The following MICU1 variants were observed in gnomAD, a reference collection of about 807,000 sequenced individuals.
MICU1 encodes the protein calcium uptake protein 1, mitochondrial.
Under a neutral mutation model 56.8 loss-of-function variants are expected in MICU1, and 45 were observed. That is an observed-to-expected ratio of 0.79 (90% CI 0.62 to 1.02). MICU1 has a LOEUF of 1.02. Ranked by LOEUF, MICU1 falls within the 50% of genes least tolerant of loss-of-function variation. The probability of loss-of-function intolerance (pLI) is 0.00; values close to 1 mark genes in which losing one functional copy is unlikely to be tolerated. For synonymous variants in MICU1, 186 were observed against 195.1 expected, an observed-to-expected ratio of 0.95 and a Z score of 0.39; for missense variants, 504 against 587.1, an observed-to-expected ratio of 0.86 and a Z score of 1.46.
intron 1 of MICU1, among the ~76,000 whole-genome samples, chr10:72,623,009 C>T (rs1341336285): frequency 6.6e-6 from 1 of 152,058 alleles, no homozygotes; most frequent in East Asian, 1.9e-4. Context: ...TGGCTCACAC[C>T]TCTAATCCCA....
intron 3 of MICU1, among the ~76,000 whole-genome samples, chr10:72,557,297 T>C (rs923201227): frequency 6.6e-6 from 1 of 152,180 alleles, no homozygotes; most frequent in African/African-American, 2.4e-5. Flanking sequence ...AGCCAACATA[T>C]ATGGCTTCCA....
chr10:72,475,256 G>A lies in MICU1; in HGVS notation c.777C>T (p.Arg259=), dbSNP rs765134846. Residue 259 remains arginine (R), a synonymous_variant, in exon 8 of 12, where the codon CGC becomes CGT. Transcript: ENST00000361114. ...TGCCAGTAGTTGGACGATCTCTGTG[G>A]CGCATACCCATACTGGTTTGGGAGC... ...IIRSQTSMGM[R]HRDRPTTGNT... 2 of 1,609,390 alleles carry A rather than the reference G, an allele frequency of 1.2e-6. No homozygotes were observed. The highest frequency in any genetic ancestry group is 1.7e-5 in the Admixed American group (1 of 59,362).
chr10:72,621,419 G>A (rs1444790031), intron 1 of MICU1, among the ~76,000 whole-genome samples: 4 of 152,060 alleles, frequency 2.6e-5, no homozygotes, highest in Non-Finnish European at 4.4e-5. Flanking sequence ...TTGAACCCAA[G>A]AGGCGGAGGT....
intron 5 of MICU1, chr10:72,523,719 G>A: frequency 3.2e-6 from 3 of 932,260 alleles, no homozygotes; most frequent in Admixed American, 3.6e-5. Context: ...AAATGTGAGA[G>A]TAATATTTTA....
At chr10:72,461,332 G>A (rs1865632403) in intron 8 of MICU1, among the ~76,000 whole-genome samples, 1 of 152,132 alleles carries the variant, frequency 6.6e-6, no homozygotes, top group African/African-American at 2.4e-5. Flanking sequence ...CTGTAACAAA[G>A]AGCAAATGAA....
rs533702573 is a variant in MICU1, at chr10:72,562,147, C to CTTTTTTTTTTTTTTT, written c.330+733_330+747dup. Among the ~76,000 whole-genome samples the CTTTTTTTTTTTTTTT allele has an allele frequency of 9.7e-5, 8 of 82,650 alleles. 1 individual carries two copies. The highest frequency in any genetic ancestry group is 1.5e-4 in the Non-Finnish European group (7 of 45,680). The allele number at this position is 82,650 out of a possible 152,430, so 54.2% of individuals were successfully genotyped here. On this transcript the variant is annotated intron_variant, in intron 3 of 11. Transcript: ENST00000361114. ...GCAGGTTGTGTTAATTACATAAAAT[C>CTTTTTTTTTTTTTTT]TTTTTTTTTTTTTTTTTTTTTTTTG...
intron 7 of MICU1, 150 bp downstream of exon 7, chr10:72,477,024 C>T: frequency 5.7e-6 from 3 of 530,668 alleles, no homozygotes; most frequent in Admixed American, 3.8e-5. Flanking sequence ...CCCACCTGTT[C>T]AAAGAATAAT....
In MICU1 at chr10:72,477,370, G is replaced by T. The variant is rs1866156788; in HGVS notation, c.653-114C>A. 4.3e-6 allele frequency: 5 copies of T among 1,159,120 alleles called. No homozygotes were observed. In the South Asian group the frequency reaches 4.4e-5, roughly 10 times the overall value. The allele number at this position is 1,159,120 out of a possible 1,614,324, so 71.8% of individuals were successfully genotyped here. A position where few individuals can be genotyped will look rare whatever the true frequency, so the allele number is the denominator to read the frequency against. On this transcript the variant is annotated intron_variant, in intron 6 of 11. Transcript: ENST00000361114. ...GTAATATCAAAGTCACCATAAAAGTGACTGAGTCAAAGTCTCAATAAATGG... is the reference window on the plus strand; with the variant it reads ...GTAATATCAAAGTCACCATAAAAGTTACTGAGTCAAAGTCTCAATAAATGG...
intron 10 of MICU1, among the ~76,000 whole-genome samples, chr10:72,378,047 C>G (rs758078013): frequency 1.3e-5 from 2 of 152,034 alleles, no homozygotes; most frequent in Non-Finnish European, 2.9e-5. Context: ...GTCAGGAGTT[C>G]GAGACCAGCC....
At chr10:72,547,425 G>A (rs946326981) in intron 4 of MICU1, among the ~76,000 whole-genome samples, 3 of 151,798 alleles carry the variant, frequency 2.0e-5, no homozygotes, top group Non-Finnish European at 4.4e-5. Context: ...TTATTTAAGA[G>A]GGCAGGACTT....
At chr10:72,477,644 A>T (rs1866165033) in intron 6 of MICU1, 1 of 1,131,476 alleles carries the variant, frequency 8.8e-7, no homozygotes, top group African/African-American at 1.6e-5. Context: ...ATATTGCTGC[A>T]AAGTAAGAAG....
At chr10:72,607,792 C>T (rs1027694566) in intron 1 of MICU1, among the ~76,000 whole-genome samples, 2 of 152,088 alleles carry the variant, frequency 1.3e-5, no homozygotes, top group African/African-American at 4.8e-5. Context: ...ACTTGGGAGC[C>T]TACTGCATGT....
At chr10:72,590,279 C>T (rs1231811092) in intron 1 of MICU1, among the ~76,000 whole-genome samples, 2 of 151,990 alleles carry the variant, frequency 1.3e-5, no homozygotes, top group African/African-American at 4.8e-5. Flanking sequence ...AACAAATAGA[C>T]TTTAAATCAA....
At position 72,436,232 on chromosome 10, in the gene MICU1, G is replaced by A. The variant is rs538434596; in HGVS notation, c.934-12861C>T. On this transcript the variant is annotated intron_variant, in intron 8 of 11. Coordinates refer to ENST00000361114, the MANE Select transcript of MICU1 (RefSeq NM_001195518.2). ...CAATATTTGCTGTTCTGCAATATTT[G>A]CTGTTCTGCAGCCTCCACTGGTGAT... Among the ~76,000 whole-genome samples, 31 of 152,214 alleles carry A rather than the reference G, an allele frequency of 2.0e-4. No homozygotes were observed. In the South Asian group the frequency reaches 6.4e-3, roughly 32 times the overall value.
chr10:72,374,808 CTTTTTT>C (rs34228174), intron 11 of MICU1, among the ~76,000 whole-genome samples: 5 of 77,204 alleles, frequency 6.5e-5, no homozygotes, highest in South Asian at 5.3e-4. Flanking sequence ...CTACTATTAT[CTTTTTT>C]TTTTTTTTTT....
At chr10:72,446,193 A>G (rs1184435450) in intron 8 of MICU1, among the ~76,000 whole-genome samples, 1 of 152,202 alleles carries the variant, frequency 6.6e-6, no homozygotes, top group African/African-American at 2.4e-5. Flanking sequence ...ATAGACTTCC[A>G]TGATTCAGAG....
At chr10:72,400,520 C>T (rs1589173384) in intron 10 of MICU1, among the ~76,000 whole-genome samples, 3 of 151,936 alleles carry the variant, frequency 2.0e-5, no homozygotes, top group East Asian at 1.9e-4. Flanking sequence ...CTAAGGCAGG[C>T]GGATCACCTG....
chr10:72,528,745 C>T lies in MICU1; in HGVS notation c.537+5001G>A, dbSNP rs149360723. On this transcript the variant is annotated intron_variant, in intron 5 of 11. Transcript: ENST00000361114. ...CTATATATGTCAAGGAGTAAAACTACACTTGACCTTATTCTAGGGTCTTAT... is the reference window on the plus strand; with the variant it reads ...CTATATATGTCAAGGAGTAAAACTATACTTGACCTTATTCTAGGGTCTTAT... 2.2e-3 allele frequency: 508 copies of T among 232,742 alleles called. 4 individuals carry two copies. Among genetic ancestry groups the T allele is most frequent in the African/African-American group, 0.011 (461 of 42,772 alleles). The allele number at this position is 232,742 out of a possible 1,614,324, so 14.4% of individuals were successfully genotyped here.
chr10:72,477,208 C>G lies in MICU1; in HGVS notation c.701G>C (p.Gly234Ala). Residue 234 changes from glycine (G) to alanine (A), a missense_variant, in exon 7 of 12, where the codon GGA (glycine) becomes GCA (alanine). Physicochemically the swap from Gly to Ala is moderately conservative, Grantham distance 60 (BLOSUM62 0). Transcript: ENST00000361114. ...EIAFKMFDLN[G>A]DGEVDMEEFE... is the part of the protein sequence containing the mutation. Reference sequence around the variant, plus strand: ...TTCTTCCATATCTACTTCTCCATCTCCATTCAAATCAAACATCTTGAAGGC... The same window carrying G: ...TTCTTCCATATCTACTTCTCCATCTGCATTCAAATCAAACATCTTGAAGGC... 6.5e-7 allele frequency: 1 copy of G among 1,549,466 alleles called. No individual in the cohort carries two copies. Among genetic ancestry groups the G allele is most frequent in the Non-Finnish European group, 8.7e-7 (1 of 1,146,662 alleles).
Sources: allele counts gnomAD v4.1 joint callset (sites outside exome capture counted in the v4.1 genomes callset), GRCh38; gene constraint gnomAD v4.1.1; transcripts MANE v1.5; gene names NCBI Gene and HGNC (gene_info 2026-07-23, HGNC 2026-07-21).